The following CSMD3 variants were observed in gnomAD, a reference collection of about 807,000 sequenced individuals.
CSMD3 encodes the protein CUB and Sushi multiple domains 3.
A neutral mutation model predicts 435.2 loss-of-function variants in CSMD3; 177 were observed. That is an observed-to-expected ratio of 0.41 (90% CI 0.36 to 0.46). The LOEUF (loss-of-function observed/expected upper bound fraction) is 0.46. Among genes scored for constraint, CSMD3 ranks in the 20% least tolerant of loss-of-function variants. CSMD3 has a pLI of 0.34. For synonymous variants in CSMD3, 1,656 were observed against 1,520.5 expected (o/e 1.09, Z -2.07); for missense variants, 4,265 against 4,504.6 (o/e 0.95, Z 1.52).
At chr8:112,335,016 A>T (rs1268574428) in intron 45 of CSMD3, among the ~76,000 whole-genome samples, 4 of 152,288 alleles carry the variant, frequency 2.6e-5, no homozygotes, top group Middle Eastern at 6.8e-3. Flanking sequence ...GACGTCTCAA[A>T]ATTACATGCA....
rs183669241 is a variant in CSMD3, at chr8:112,739,384, C to A, written c.1973-49334G>T. Among the ~76,000 whole-genome samples, 236 of 151,808 alleles carry A rather than the reference C, an allele frequency of 1.6e-3. 1 individual carries two copies. The highest frequency in any genetic ancestry group is 5.4e-3 in the African/African-American group (222 of 41,474). ...CAGTCATGGATGAATAGTGGCTGAC[C>A]TCCTTATTAAGGCCATAAACCTAGA... is the stretch of plus-strand genomic sequence containing the variant. On this transcript the variant is annotated intron_variant, in intron 13 of 70. Coordinates refer to ENST00000297405, the MANE Select transcript of CSMD3 (RefSeq NM_198123.2).
intron 57 of CSMD3, among the ~76,000 whole-genome samples, chr8:112,287,637 T>C (rs1457573013): frequency 3.3e-5 from 5 of 152,148 alleles, no homozygotes; most frequent in Admixed American, 3.3e-4. Flanking sequence ...GCATGTTTCC[T>C]TTTCTGAATT....
At chr8:113,414,107 G>C (rs2094571190) in intron 1 of CSMD3, among the ~76,000 whole-genome samples, 1 of 152,154 alleles carries the variant, frequency 6.6e-6, no homozygotes, top group Non-Finnish European at 1.5e-5. Flanking sequence ...ATTTAGGATG[G>C]ATAGATAACT....
intron 5 of CSMD3, among the ~76,000 whole-genome samples, chr8:113,066,287 C>T (rs1471965495): frequency 6.6e-6 from 1 of 151,374 alleles, no homozygotes; most frequent in South Asian, 2.1e-4. Flanking sequence ...ACGTAGAGCA[C>T]AAAGAGAAAA....
At chr8:112,379,321 T>C (rs1829252075) in intron 38 of CSMD3, among the ~76,000 whole-genome samples, 1 of 151,960 alleles carries the variant, frequency 6.6e-6, no homozygotes, top group Non-Finnish European at 1.5e-5. Flanking sequence ...AATATAAAAT[T>C]AGCTGGGAGT....
intron 2 of CSMD3, among the ~76,000 whole-genome samples, chr8:113,288,446 A>T (rs1224770514): frequency 6.6e-6 from 1 of 151,862 alleles, no homozygotes; most frequent in Non-Finnish European, 1.5e-5. Flanking sequence ...AATTTTCTTC[A>T]AAAGTCAACC....
rs2088340446 is a variant in CSMD3 at position 113,056,379 on chromosome 8, A to C, written c.918-37200T>G. ...ATCATACAGCAGCATACCAAAGCAG[A>C]GATAAAGCAAGTTTCTGATGGTGAT... On this transcript the variant is annotated intron_variant, in intron 5 of 70. Transcript: ENST00000297405. Among the ~76,000 whole-genome samples, 3 of 152,208 alleles carry C rather than the reference A, an allele frequency of 2.0e-5. No homozygotes were observed. In the South Asian group the frequency reaches 6.2e-4, roughly 31 times the overall value.
intron 16 of CSMD3, among the ~76,000 whole-genome samples, chr8:112,680,380 A>G (rs961967339): frequency 6.6e-6 from 1 of 152,140 alleles, no homozygotes; most frequent in Non-Finnish European, 1.5e-5. Context: ...ACAAACAAAC[A>G]AACAAAAATG....
At chr8:113,274,188 A>T (rs1240139190) in intron 3 of CSMD3, among the ~76,000 whole-genome samples, 1 of 152,096 alleles carries the variant, frequency 6.6e-6, no homozygotes, top group Non-Finnish European at 1.5e-5. Context: ...TTGTTAAATT[A>T]TTAATATATT....
At chr8:112,260,472 G>T (rs143115920) in intron 61 of CSMD3, among the ~76,000 whole-genome samples, 2 of 152,122 alleles carry the variant, frequency 1.3e-5, no homozygotes. Flanking sequence ...CTGAGACAAA[G>T]ATAGCGTTAT....
chr8:112,553,132 A>G (rs1827831408), intron 25 of CSMD3, among the ~76,000 whole-genome samples: 1 of 152,120 alleles, frequency 6.6e-6, no homozygotes, highest in South Asian at 2.1e-4. Flanking sequence ...TCTTTACTGC[A>G]GTCCCTCAGG....
chr8:113,170,177 A>C (rs1029939026), intron 4 of CSMD3, among the ~76,000 whole-genome samples: 7 of 152,200 alleles, frequency 4.6e-5, no homozygotes, highest in African/African-American at 1.7e-4. Flanking sequence ...AATGCTATCA[A>C]GTGGCAAAGA....
chr8:112,905,643 C>T (rs1399964972), intron 10 of CSMD3, among the ~76,000 whole-genome samples: 2 of 151,374 alleles, frequency 1.3e-5, no homozygotes, highest in African/African-American at 4.8e-5. Context: ...CTCTTTATGG[C>T]CAAGGTTTCT....
At chr8:113,390,733 C>T (rs116066811) in intron 1 of CSMD3, among the ~76,000 whole-genome samples, 1 of 152,024 alleles carries the variant, frequency 6.6e-6, no homozygotes, top group Non-Finnish European at 1.5e-5. Context: ...GAATAAGTGA[C>T]TAAATGAAGG....
intron 29 of CSMD3, 79 bp from the exon 30 acceptor site, chr8:112,504,056 T>C (rs1822261529): frequency 1.1e-6 from 1 of 898,072 alleles, no homozygotes; most frequent in Non-Finnish European, 1.7e-6. Context: ...ATAATAGTTA[T>C]ATAATCAAAC....
intron 23 of CSMD3, among the ~76,000 whole-genome samples, chr8:112,573,881 C>T (rs180832069): frequency 1.3e-5 from 2 of 152,034 alleles, no homozygotes; most frequent in African/African-American, 4.8e-5. Context: ...TTAAGTAATA[C>T]TTGAATCAGG....
intron 32 of CSMD3, among the ~76,000 whole-genome samples, chr8:112,411,267 T>C (rs1811311214): frequency 6.6e-6 from 1 of 151,838 alleles, no homozygotes; most frequent in Non-Finnish European, 1.5e-5. Flanking sequence ...TTGTATCATA[T>C]TAAGTATAGA....
intron 1 of CSMD3, among the ~76,000 whole-genome samples, chr8:113,317,029 A>G (rs1255230375): frequency 6.6e-6 from 1 of 152,124 alleles, no homozygotes; most frequent in African/African-American, 2.4e-5. Context: ...TTTATGTGCT[A>G]TAAAGCATAG....
At chr8:113,113,236 A>G (rs1402635198) in intron 4 of CSMD3, among the ~76,000 whole-genome samples, 1 of 152,154 alleles carries the variant, frequency 6.6e-6, no homozygotes, top group East Asian at 1.9e-4. Flanking sequence ...GATGCATGCT[A>G]TGTATATAGT....
Sources: gnomAD v4.1 joint callset for allele counts (sites outside exome capture counted in the v4.1 genomes callset) on GRCh38, gnomAD v4.1.1 for gene constraint, MANE v1.5 for transcripts, NCBI Gene and HGNC (gene_info 2026-07-23, HGNC 2026-07-21) for gene names.